The following ELN variants were observed in gnomAD, a reference collection of about 807,000 sequenced individuals.
ELN encodes the protein elastin.
In ELN, 65 loss-of-function variants were observed where a neutral mutation model predicts 105.8. The ratio of observed to expected loss-of-function variants is 0.61; its 90% CI spans 0.50 to 0.75. The LOEUF (loss-of-function observed/expected upper bound fraction) is 0.75. Among genes scored for constraint, ELN ranks in the 30% least tolerant of loss-of-function variants. The probability of loss-of-function intolerance (pLI) is 0.00; values close to 1 mark genes in which losing one functional copy is unlikely to be tolerated. For synonymous variants in ELN, 368 were observed against 389.2 expected (o/e 0.95, Z 0.64); for missense variants, 882 against 969.4 (o/e 0.91, Z 1.20).
At position 74,063,333 on chromosome 7, in the gene ELN, G is replaced by T; in HGVS notation, c.1882G>T (p.Ala628Ser). 1 of 1,550,854 alleles carries T rather than the reference G, an allele frequency of 6.4e-7. No homozygotes were observed. The change falls in exon 28 of 33, where the codon GCC becomes TCC. Residue 628 changes from alanine to serine, a missense_variant. Coordinates refer to ENST00000252034, the MANE Select transcript of ELN (RefSeq NM_000501.4). The surrounding 1 kb of genome is among the most constrained non-coding windows in gnomAD (Gnocchi z 4.1). ...VVGAGPAAAA[A>S]AAKAAAKAAQ... is the part of the protein sequence containing the mutation. ...AGGAGCCGGACCCGCCGCCGCCGCT[G>T]CCGCAGCCAAAGCTGCTGCCAAAGC...
At chr7:74,048,315 C>T (rs1793053954) in intron 14 of ELN, 114 bp downstream of exon 14, 5 of 1,540,346 alleles carry the variant, frequency 3.2e-6, no homozygotes, top group Non-Finnish European at 2.7e-6. Flanking sequence ...TGCATCCAGA[C>T]CCTGGTCCAA....
intron 32 of ELN, among the ~76,000 whole-genome samples, chr7:74,067,742 G>A (rs528395778): frequency 6.0e-5 from 9 of 149,124 alleles, no homozygotes; most frequent in South Asian, 2.2e-4. Flanking sequence ...CAGCCTGGGC[G>A]GCACAGCAAG....
At chr7:74,041,371 T>C in intron 5 of ELN, 120 bp downstream of exon 5, 1 of 1,251,858 alleles carries the variant, frequency 8.0e-7, no homozygotes, top group Non-Finnish European at 1.2e-6. Flanking sequence ...TCCTGGGCAC[T>C]GACGGGGACT....
At chr7:74,066,047 GA>G in intron 31 of ELN, 50 bp downstream of exon 31, 1 of 1,612,974 alleles carries the variant, frequency 6.2e-7, no homozygotes, top group Non-Finnish European at 8.5e-7. Context: ...TCCCGATCTA[GA>G]GGGGGCCTGT....
chr7:74,056,783 A>C, intron 21 of ELN, 70 bp downstream of exon 21: 1 of 1,606,850 alleles, frequency 6.2e-7, no homozygotes, highest in East Asian at 2.2e-5. Flanking sequence ...ACCTCAGGGC[A>C]AACTGGCTCC....
chr7:74,037,358 T>A (rs1275073910), intron 3 of ELN, among the ~76,000 whole-genome samples: 1 of 151,768 alleles, frequency 6.6e-6, no homozygotes, highest in Admixed American at 6.6e-5. Flanking sequence ...CACGCCTGGC[T>A]AATTTTTGTA....
Position 74,035,322 on chromosome 7 carries a change from G to A in ELN, c.83-42G>A, listed in dbSNP as rs781844782. The A allele has an allele frequency of 1.9e-6, 3 of 1,612,058 alleles. No homozygotes were observed. The East Asian group carries it at 6.7e-5, about 36-fold the overall frequency. ...CAGTTACTTTTGCACCAGCCTAATA[G>A]TTCTGGCTCCTGGAGGACTGACTCT... On this transcript the variant is annotated intron_variant, in intron 1 of 32. Coordinates refer to ENST00000252034, the MANE Select transcript of ELN (RefSeq NM_000501.4).
At chr7:74,039,332 G>A (rs551880331) in intron 4 of ELN, among the ~76,000 whole-genome samples, 105 of 152,332 alleles carry the variant, frequency 6.9e-4, no homozygotes, top group Middle Eastern at 3.4e-3. Flanking sequence ...AAAAAGGGCA[G>A]TGTTTCCAGG....
rs1563897614 is a variant in ELN, at chr7:74,069,738, TG to T, written c.*1039del. On this transcript the variant is annotated 3_prime_UTR_variant, in exon 33 of 33. Coordinates refer to ENST00000252034, the MANE Select transcript of ELN (RefSeq NM_000501.4). ...TTTTGGTTTTATTGTTGTGGTTCATTGAAAAAAAAAGATAATTTTTTTTTCT... is the reference window on the plus strand; with the variant it reads ...TTTTGGTTTTATTGTTGTGGTTCATTAAAAAAAAAGATAATTTTTTTTTCT... 1 of 229,580 alleles carries T rather than the reference TG, an allele frequency of 4.4e-6. No homozygotes were observed. The allele number at this position is 229,580 out of a possible 1,614,324, so 14.2% of individuals were successfully genotyped here.
intron 14 of ELN, 73 bp from the exon 15 acceptor site, chr7:74,048,430 G>T (rs2131669239): frequency 6.2e-7 from 1 of 1,610,226 alleles, no homozygotes; most frequent in South Asian, 1.1e-5. Flanking sequence ...CTCTCTTGGG[G>T]CTGGGAACAA....
chr7:74,038,359 G>A (rs1348586555), intron 4 of ELN, among the ~76,000 whole-genome samples: 1 of 152,234 alleles, frequency 6.6e-6, no homozygotes, highest in Non-Finnish European at 1.5e-5. Flanking sequence ...CTTAGGCCAA[G>A]CCCTGACCCC....
intron 4 of ELN, among the ~76,000 whole-genome samples, chr7:74,038,401 G>T (rs1790454957): frequency 1.3e-5 from 2 of 152,200 alleles, no homozygotes; most frequent in African/African-American, 4.8e-5. Context: ...CATGGCCCCG[G>T]ATAAGCTCCC....
chr7:74,055,502 TAG>T (rs1795039887), intron 19 of ELN, among the ~76,000 whole-genome samples: 1 of 152,002 alleles, frequency 6.6e-6, no homozygotes, highest in South Asian at 2.1e-4. Context: ...TTTTCTGAGA[TAG>T]AGTCTCACTC....
At chr7:74,032,705 G>C (rs1240882064) in intron 1 of ELN, among the ~76,000 whole-genome samples, 1 of 152,160 alleles carries the variant, frequency 6.6e-6, no homozygotes, top group Non-Finnish European at 1.5e-5. Flanking sequence ...GGGAAGCTAA[G>C]TCTTCCCCCC....
At chr7:74,042,837 G>T (rs1233894533) in intron 6 of ELN, 131 bp downstream of exon 6, 5 of 1,529,958 alleles carry the variant, frequency 3.3e-6, no homozygotes, top group South Asian at 1.1e-5. Context: ...ATCTACTGGG[G>T]CTCAGGGAGG....
intron 21 of ELN, chr7:74,057,334 AAAGT>A: frequency 7.0e-7 from 1 of 1,425,360 alleles, no homozygotes. Context: ...GCTCCCCCAA[AAAGT>A]GAGTACTGGG....
At chr7:74,053,344 G>A (rs1794533192) in intron 18 of ELN, 35 bp downstream of exon 18, 1 of 1,603,116 alleles carries the variant, frequency 6.2e-7, no homozygotes, top group Non-Finnish European at 8.5e-7. Flanking sequence ...GTGTGTGTGT[G>A]TGTGTGTGTG....
At chr7:74,064,845 C>T (rs1584031385) in intron 29 of ELN, among the ~76,000 whole-genome samples, 1 of 152,148 alleles carries the variant, frequency 6.6e-6, no homozygotes, top group East Asian at 1.9e-4. Context: ...GTGGCCATTT[C>T]CCCCTTTCTT....
At chr7:74,057,846 A>AC (rs1172863510) in intron 22 of ELN, 150 bp downstream of exon 22, 1 of 841,240 alleles carries the variant, frequency 1.2e-6, no homozygotes, top group African/African-American at 1.7e-5. Context: ...CTTTTGGCCC[A>AC]CTGATGAATG....
Sources: allele counts gnomAD v4.1 joint callset (sites outside exome capture counted in the v4.1 genomes callset), GRCh38; gene constraint gnomAD v4.1.1; non-coding constraint Gnocchi (gnomAD v3.1); transcripts MANE v1.5; gene names NCBI Gene and HGNC (gene_info 2026-07-23, HGNC 2026-07-21).